Variants in SLC45A4 observed in about 807,000 individuals in gnomAD.
SLC45A4 encodes solute carrier family 45 member 4, also known as polyamine-transporter SLC45A4.
Under a neutral mutation model 63.7 loss-of-function variants are expected in SLC45A4, and 32 were observed. The ratio of observed to expected loss-of-function variants is 0.50; its 90% CI spans 0.38 to 0.67. The LOEUF is 0.67. Among genes scored for constraint, SLC45A4 ranks in the 30% least tolerant of loss-of-function variants. The pLI is 0.00. For synonymous variants in SLC45A4, 535 were observed against 510.0 expected, an observed-to-expected ratio of 1.05 and a Z score of -0.66; for missense variants, 1,027 against 1,157.7, an observed-to-expected ratio of 0.89 and a Z score of 1.64.
chr8:141,221,717 AG>A lies in SLC45A4; in HGVS notation c.289del (p.Gly98AlafsTer17), dbSNP rs777551753. On this transcript the variant is annotated frameshift_variant, in exon 3 of 9. Transcript: ENST00000517878. LOFTEE classifies it high-confidence loss of function. ...AATGAGAGGTGTGAAGATGAGGCCA[AG>A]GATGGGGCTCAGGAACCAGGTGAGG... ...YSLTWFLSPI[L>X]GLIFTPLIGS... 8.7e-6 allele frequency: 14 copies of A among 1,614,062 alleles called. No individual in the cohort carries two copies. Among genetic ancestry groups the A allele is most frequent in the African/African-American group, 1.3e-5 (1 of 75,078 alleles).
Position 141,250,952 on chromosome 8 carries a change from G to T in SLC45A4, c.241+3037C>A, listed in dbSNP as rs114171428. 2.3e-3 allele frequency among the ~76,000 whole-genome samples: 351 copies of T among 152,314 alleles called. 1 individual carries two copies. Among genetic ancestry groups the T allele is most frequent in the African/African-American group, 7.7e-3 (320 of 41,562 alleles). On this transcript the variant is annotated intron_variant, in intron 2 of 8. Transcript: ENST00000517878. Reference sequence around the variant, plus strand: ...CTATAAAGTATGAAAATTCCAAGGTGTTGTGGAAGTATTAGGGTTTTCAAA... The same window carrying T: ...CTATAAAGTATGAAAATTCCAAGGTTTTGTGGAAGTATTAGGGTTTTCAAA...
intron 2 of SLC45A4, among the ~76,000 whole-genome samples, chr8:141,243,508 A>G (rs1828014329): frequency 6.6e-6 from 1 of 152,238 alleles, no homozygotes; most frequent in Non-Finnish European, 1.5e-5. Flanking sequence ...GGCCGGGTGC[A>G]GTGGCTCACA....
chr8:141,248,379 G>A (rs373295265), intron 2 of SLC45A4, among the ~76,000 whole-genome samples: 1 of 151,980 alleles, frequency 6.6e-6, no homozygotes, highest in African/African-American at 2.4e-5. Flanking sequence ...ACCAGCCAGG[G>A]CAACATAGTG....
In SLC45A4 at chr8:141,229,372, TC is replaced by T. The variant is rs1028898435; in HGVS notation, c.242-7608del. Among the ~76,000 whole-genome samples the T allele has an allele frequency of 6.6e-6, 1 of 151,816 alleles. No homozygotes were observed. Among genetic ancestry groups the T allele is most frequent in the African/African-American group, 2.4e-5 (1 of 41,292 alleles). On this transcript the variant is annotated intron_variant, in intron 2 of 8. Coordinates refer to ENST00000517878, the MANE Select transcript of SLC45A4 (RefSeq NM_001286646.2). The surrounding 1 kb of genome is among the most constrained non-coding windows in gnomAD (Gnocchi z 5.0). The stretch of plus-strand genomic sequence containing the variant: ...CAGCCCATGCCAGACCGCTTCCCTC[TC>T]CACACCAGACTCCAACCGCCCACCC...
At chr8:141,291,315 G>C (rs1830338991) in intron 1 of SLC45A4, among the ~76,000 whole-genome samples, 1 of 152,250 alleles carries the variant, frequency 6.6e-6, no homozygotes. Flanking sequence ...TCTGGAGAAA[G>C]AGGGCTGGGG....
At chr8:141,251,590 G>A (rs1046273743) in intron 2 of SLC45A4, among the ~76,000 whole-genome samples, 9 of 151,916 alleles carry the variant, frequency 5.9e-5, no homozygotes, top group African/African-American at 1.9e-4. Context: ...TGCGAGCTGC[G>A]CCCGGTCTCC....
intron 4 of SLC45A4, 52 bp from the exon 5 acceptor site, chr8:141,219,081 G>T (rs759485401): frequency 1.9e-6 from 3 of 1,566,458 alleles, no homozygotes; most frequent in South Asian, 2.4e-5. Context: ...GGCCACAGGG[G>T]GGGAAGCTCT....
chr8:141,294,372 C>A (rs1563680476), intron 1 of SLC45A4, among the ~76,000 whole-genome samples: 1 of 152,216 alleles, frequency 6.6e-6, no homozygotes. Context: ...CCAGCCCCTG[C>A]CTAGAAGCAG....
Position 141,254,142 on chromosome 8 carries a change from C to T in SLC45A4, c.88G>A (p.Gly30Ser), listed in dbSNP as rs1036224214. 9 of 1,536,064 alleles carry T rather than the reference C, an allele frequency of 5.9e-6. No individual in the cohort carries two copies. Among genetic ancestry groups the T allele is most frequent in the Middle Eastern group, 1.7e-4 (1 of 6,012 alleles). The change falls in exon 2 of 9, where the codon GGC (glycine) becomes AGC (serine). Residue 30 changes from glycine (G) to serine (S), a missense_variant. Physicochemically the swap from Gly to Ser is moderately conservative, Grantham distance 56 (BLOSUM62 0). Coordinates refer to ENST00000517878, the MANE Select transcript of SLC45A4 (RefSeq NM_001286646.2). The surrounding 1 kb of genome is among the most constrained non-coding windows in gnomAD (Gnocchi z 4.5). ...GTCTCGCAGTTCTCGGCCTCTGCGCCTCCGGCTTTCTGCGGGTCCGGCAGG... is the reference window on the plus strand; with the variant it reads ...GTCTCGCAGTTCTCGGCCTCTGCGCTTCCGGCTTTCTGCGGGTCCGGCAGG... ...VPLPDPQKAG[G>S]AEAENCETIS...
chr8:141,271,915 C>G (rs1829547640), intron 1 of SLC45A4, among the ~76,000 whole-genome samples: 1 of 152,118 alleles, frequency 6.6e-6, no homozygotes, highest in African/African-American at 2.4e-5. Flanking sequence ...CATGCGCTCA[C>G]ACGTGTGCAA....
At chr8:141,307,069 C>T (rs1160720838) in intron 1 of SLC45A4, among the ~76,000 whole-genome samples, 2 of 152,216 alleles carry the variant, frequency 1.3e-5, no homozygotes, top group Non-Finnish European at 2.9e-5. Context: ...CCTCAGGCTC[C>T]TTAGGAGGTC....
chr8:141,253,616 C>T (rs931137180), intron 2 of SLC45A4, among the ~76,000 whole-genome samples: 6 of 151,232 alleles, frequency 4.0e-5, no homozygotes, highest in Non-Finnish European at 8.8e-5. Flanking sequence ...CATGACACAG[C>T]CAGTGACTGT....
intron 1 of SLC45A4, among the ~76,000 whole-genome samples, chr8:141,284,282 C>G (rs1362010709): frequency 6.6e-6 from 1 of 152,220 alleles, no homozygotes; most frequent in East Asian, 1.9e-4. Flanking sequence ...GGACCTGGGG[C>G]CTCGAGAGCA....
At chr8:141,247,750 C>T (rs541485620) in intron 2 of SLC45A4, among the ~76,000 whole-genome samples, 2 of 152,112 alleles carry the variant, frequency 1.3e-5, no homozygotes, top group Admixed American at 6.5e-5. Flanking sequence ...TTCCTAATTT[C>T]GAGATGCCCC....
At chr8:141,274,694 C>T (rs751781314) in intron 1 of SLC45A4, among the ~76,000 whole-genome samples, 23 of 152,290 alleles carry the variant, frequency 1.5e-4, no homozygotes, top group East Asian at 1.9e-4. Context: ...CCAGGGGCTC[C>T]GCCAGAAACT....
chr8:141,284,369 G>A (rs945389569), intron 1 of SLC45A4, among the ~76,000 whole-genome samples: 42 of 152,214 alleles, frequency 2.8e-4, no homozygotes, highest in African/African-American at 9.9e-4. Flanking sequence ...CAGCCAGTGC[G>A]GGTCTCTCCT....
intron 2 of SLC45A4, chr8:141,228,545 C>A: frequency 7.8e-7 from 1 of 1,277,692 alleles, no homozygotes; most frequent in Non-Finnish European, 1.0e-6. Context: ...CTCCCCGCAG[C>A]TGGAGCATGG....
intron 1 of SLC45A4, among the ~76,000 whole-genome samples, chr8:141,276,692 AGCCTACCAGGAAGAAAGGAGTCGACT>A (rs1829739725): frequency 6.6e-6 from 1 of 152,174 alleles, no homozygotes; most frequent in Admixed American, 6.5e-5. Flanking sequence ...CAAGGCACTG[AGCCTACCAGGAAGAAAGGAGTCGACT>A]GCCCTTTTCC....
At chr8:141,297,094 A>G (rs568829984) in intron 1 of SLC45A4, among the ~76,000 whole-genome samples, 17 of 152,282 alleles carry the variant, frequency 1.1e-4, no homozygotes, top group Middle Eastern at 3.4e-3. Context: ...GGTTTGCCAC[A>G]CTGAACCAGA....
Sources: allele counts gnomAD v4.1 joint callset (sites outside exome capture counted in the v4.1 genomes callset), GRCh38; gene constraint gnomAD v4.1.1; non-coding constraint Gnocchi (gnomAD v3.1); transcripts MANE v1.5; gene names NCBI Gene and HGNC (gene_info 2026-07-23, HGNC 2026-07-21).